The following CIB1 variants were observed in gnomAD, a reference collection of about 807,000 sequenced individuals.
CIB1 encodes the protein calcium and integrin binding 1, also known as calcium and integrin-binding protein 1.
In CIB1, 19 loss-of-function variants were observed where a neutral mutation model predicts 25.0. The observed-to-expected ratio is 0.76, with a 90% confidence interval of 0.53 to 1.12. The LOEUF is 1.12. Among genes scored for constraint, CIB1 ranks in the 50% most tolerant of loss-of-function variants. The probability of loss-of-function intolerance (pLI) is 0.00; values close to 1 mark genes in which losing one functional copy is unlikely to be tolerated. For synonymous variants in CIB1, 104 were observed against 98.5 expected, an observed-to-expected ratio of 1.06 and a Z score of -0.33; for missense variants, 236 against 242.6, an observed-to-expected ratio of 0.97 and a Z score of 0.18.
the CIB1 span, among the ~76,000 whole-genome samples, chr15:90,246,977 T>C: frequency 7.4e-6 from 1 of 134,382 alleles, no homozygotes; most frequent in South Asian, 2.2e-4. Flanking sequence ...CTTTCTTTCC[T>C]TTTTTTTTTT....
upstream of CIB1, chr15:90,236,146 C>G (rs1962633122): frequency 6.6e-6 from 1 of 152,238 alleles, no homozygotes; most frequent in African/African-American, 2.4e-5. Flanking sequence ...TCAAGCAGTT[C>G]TCCTGCCTCA....
rs767334293 is a variant in CIB1, at chr15:90,231,333, T to C, written c.346+24A>G. On this transcript the variant is annotated intron_variant, in intron 4 of 6. Coordinates refer to ENST00000328649, the MANE Select transcript of CIB1 (RefSeq NM_006384.4). ...GCCCACGTGGGAAGGGGTGGTGTCC[T>C]GCCGGGCTGCTCCTGGTTCTCACCA... 3.1e-6 allele frequency: 5 copies of C among 1,611,954 alleles called. No homozygotes were observed. The Admixed American group carries it at 6.7e-5, about 22-fold the overall frequency.
chr15:90,265,634 G>C, the CIB1 span: 2 of 1,557,272 alleles, frequency 1.3e-6, no homozygotes, highest in Non-Finnish European at 8.8e-7. Context: ...CCTCCGGCCC[G>C]CCCCTTCCAC....
At chr15:90,262,762 A>G in the CIB1 span, 3 of 1,278,922 alleles carry the variant, frequency 2.3e-6, no homozygotes, top group South Asian at 1.6e-5. Flanking sequence ...TCTCCTCCCC[A>G]TGCACAAGAG....
the CIB1 span, among the ~76,000 whole-genome samples, chr15:90,239,935 A>G: frequency 1.3e-5 from 2 of 151,686 alleles, no homozygotes; most frequent in Non-Finnish European, 2.9e-5. Flanking sequence ...AAAATAAAAT[A>G]GGCCGTGGCT....
chr15:90,264,993 T>TCCTGGATAACCTCC, the CIB1 span: 4 of 1,520,286 alleles, frequency 2.6e-6, no homozygotes, highest in Middle Eastern at 3.4e-4. Context: ...ACTCTACCTC[T>TCCTGGATAACCTCC]CCTGGATAAC....
At chr15:90,240,064 A>G in the CIB1 span, among the ~76,000 whole-genome samples, 2 of 151,760 alleles carry the variant, frequency 1.3e-5, no homozygotes, top group African/African-American at 4.8e-5. Flanking sequence ...TCTCTACCAA[A>G]AATACAAAAT....
chr15:90,238,362 ATGT>A (rs1222098292), upstream of CIB1: 3 of 152,326 alleles, frequency 2.0e-5, no homozygotes, highest in South Asian at 2.1e-4. Flanking sequence ...CACATTCACG[ATGT>A]TGTGCGGCAA....
the CIB1 span, chr15:90,242,035 T>A: frequency 6.2e-7 from 1 of 1,611,038 alleles, no homozygotes; most frequent in Non-Finnish European, 8.5e-7. Context: ...CAGGCAGCAC[T>A]GGTGGCCCTG....
At chr15:90,251,337 G>A in the CIB1 span, among the ~76,000 whole-genome samples, 1 of 144,682 alleles carries the variant, frequency 6.9e-6, no homozygotes, top group South Asian at 2.2e-4. Flanking sequence ...TGTTAGCCAG[G>A]ATGGTCTCTA....
At chr15:90,261,843 T>A in the CIB1 span, among the ~76,000 whole-genome samples, 1 of 152,330 alleles carries the variant, frequency 6.6e-6, no homozygotes, top group African/African-American at 2.4e-5. Flanking sequence ...GCTACCCACA[T>A]GTGGGGCTAG....
chr15:90,248,820 A>G, the CIB1 span, among the ~76,000 whole-genome samples: 1 of 150,410 alleles, frequency 6.6e-6, no homozygotes, highest in African/African-American at 2.4e-5. Flanking sequence ...GCCACACAGT[A>G]TAATTTTAGG....
chr15:90,231,395 G>C lies in CIB1; in HGVS notation c.308C>G (p.Thr103Arg). ...GGCATAATGGGACTTGATGTCTGGC[G>C]TGGCTGTGTCACTGAACACACTGAG... ...DLLSVFSDTA[T>R]PDIKSHYAFR... The change falls in exon 4 of 7, where the codon ACG (threonine) becomes AGG (arginine). Residue 103 changes from threonine (T) to arginine (R), a missense_variant. Transcript: ENST00000328649. The C allele has an allele frequency of 6.2e-7, 1 of 1,614,202 alleles. No homozygotes were observed. The highest frequency in any genetic ancestry group is 8.5e-7 in the Non-Finnish European group (1 of 1,180,042).
chr15:90,240,841 A>T, the CIB1 span: 1 of 1,054,604 alleles, frequency 9.5e-7, no homozygotes, highest in Non-Finnish European at 1.4e-6. Flanking sequence ...AATAAATACA[A>T]TGACAATCTC....
At chr15:90,247,298 C>CTTT in the CIB1 span, among the ~76,000 whole-genome samples, 5 of 134,290 alleles carry the variant, frequency 3.7e-5, no homozygotes, top group Non-Finnish European at 6.4e-5. Flanking sequence ...TTTCTTTTTT[C>CTTT]TTTTTTTTTT....
At chr15:90,253,823 G>C in the CIB1 span, among the ~76,000 whole-genome samples, 1 of 152,224 alleles carries the variant, frequency 6.6e-6, no homozygotes, top group East Asian at 1.9e-4. Flanking sequence ...CACAAGAATA[G>C]AACTGCCTTG....
the CIB1 span, chr15:90,262,139 G>C: frequency 6.5e-7 from 1 of 1,535,786 alleles, no homozygotes; most frequent in South Asian, 1.2e-5. Flanking sequence ...CAAGCACAAT[G>C]GCTCCCTCTT....
chr15:90,231,150 C>T lies in CIB1; in HGVS notation c.410G>A (p.Gly137Glu). ...ACTAAGCCGTGTGTCCTCGCCCTCTCCCGTGAGGCAGTTCACCAGCCGGCT... is the reference window on the plus strand; with the variant it reads ...ACTAAGCCGTGTGTCCTCGCCCTCTTCCGTGAGGCAGTTCACCAGCCGGCT... Reference protein sequence around the residue: ...DLSRLVNCLTGEGEDTRLSAS... With the variant: ...DLSRLVNCLTEEGEDTRLSAS... Residue 137 changes from glycine to glutamate, a missense_variant, in exon 5 of 7, where the codon GGA becomes GAA. Physicochemically the swap from Gly to Glu is moderately conservative, Grantham distance 98. Coordinates refer to ENST00000328649, the MANE Select transcript of CIB1 (RefSeq NM_006384.4). The T allele has an allele frequency of 6.2e-7, 1 of 1,614,222 alleles. No homozygotes were observed. The highest frequency in any genetic ancestry group is 8.5e-7 in the Non-Finnish European group (1 of 1,180,048).
At chr15:90,234,168 A>AG (rs140935136), upstream of CIB1, 183 of 231,166 alleles carry the variant, frequency 7.9e-4, no homozygotes, top group Admixed American at 1.7e-3. Context: ...CCGGGGTGGG[A>AG]GGGGGGGGCG....
Sources: allele counts gnomAD v4.1 joint callset (sites outside exome capture counted in the v4.1 genomes callset), GRCh38; gene constraint gnomAD v4.1.1; transcripts MANE v1.5; gene names NCBI Gene and HGNC (gene_info 2026-07-23, HGNC 2026-07-21).